Variants in KCNH7 observed in about 807,000 individuals in gnomAD.
KCNH7 encodes voltage-gated inwardly rectifying potassium channel KCNH7.
KCNH7 carries 49 observed loss-of-function variants against 120.8 expected under a neutral mutation model. The ratio of observed to expected loss-of-function variants is 0.41; its 90% CI spans 0.32 to 0.51. The LOEUF is 0.51. Among genes scored for constraint, KCNH7 ranks in the 20% least tolerant of loss-of-function variants. The pLI is 0.38. For missense variants in KCNH7, 1,097 were observed against 1,446.6 expected, an observed-to-expected ratio of 0.76 and a Z score of 3.92; for synonymous variants, 547 against 516.1, an observed-to-expected ratio of 1.06 and a Z score of -0.81.
chr2:162,796,378 A>G (rs557806248), intron 2 of KCNH7: 18 of 152,192 alleles, frequency 1.2e-4, no homozygotes, highest in Admixed American at 1.0e-3. Flanking sequence ...ACCGTTTCCA[A>G]GTAAAAAAAA....
intron 12 of KCNH7, among the ~76,000 whole-genome samples, chr2:162,394,040 C>G (rs1301275762): frequency 6.6e-6 from 1 of 151,946 alleles, no homozygotes; most frequent in African/African-American, 2.4e-5. Flanking sequence ...GTCATGCATG[C>G]TTGTGGGGCA....
chr2:162,650,635 C>T (rs1329662329), intron 2 of KCNH7, among the ~76,000 whole-genome samples: 3 of 152,142 alleles, frequency 2.0e-5, no homozygotes, highest in Non-Finnish European at 4.4e-5. Flanking sequence ...ATTCTCCTGT[C>T]AGGTACTCTC....
chr2:162,696,926 G>A (rs949454520), intron 2 of KCNH7, among the ~76,000 whole-genome samples: 4 of 152,004 alleles, frequency 2.6e-5, no homozygotes, highest in African/African-American at 4.8e-5. Context: ...GATGATGACA[G>A]GAAATCATTT....
At chr2:162,694,927 G>T (rs886883532) in intron 2 of KCNH7, among the ~76,000 whole-genome samples, 2 of 151,882 alleles carry the variant, frequency 1.3e-5, no homozygotes, top group African/African-American at 4.8e-5. Context: ...ACTTTTAGTA[G>T]AGATGGGGTT....
At chr2:162,623,319 T>C (rs184200908) in intron 2 of KCNH7, among the ~76,000 whole-genome samples, 109 of 152,332 alleles carry the variant, frequency 7.2e-4, no homozygotes, top group African/African-American at 2.5e-3. Flanking sequence ...CTACATATTG[T>C]AACTTGCCTT....
intron 6 of KCNH7, among the ~76,000 whole-genome samples, chr2:162,497,254 T>C (rs558241253): frequency 7.9e-5 from 12 of 152,118 alleles, no homozygotes; most frequent in Middle Eastern, 3.2e-3. Context: ...TGAACAAAGT[T>C]CAATATAAGT....
At chr2:162,445,982 A>G (rs1009864168) in intron 7 of KCNH7, 36 bp downstream of exon 7, 7 of 1,495,034 alleles carry the variant, frequency 4.7e-6, no homozygotes, top group Admixed American at 2.1e-5. Flanking sequence ...TATAATTGCA[A>G]TCTTTCAGAA....
At chr2:162,427,545 G>A (rs979937875) in intron 8 of KCNH7, among the ~76,000 whole-genome samples, 3 of 151,702 alleles carry the variant, frequency 2.0e-5, no homozygotes, top group African/African-American at 7.3e-5. Flanking sequence ...TTTAAATTGA[G>A]TTGTCTTCTT....
intron 2 of KCNH7, among the ~76,000 whole-genome samples, chr2:162,829,951 T>A (rs956489869): frequency 3.3e-5 from 5 of 151,736 alleles, no homozygotes; most frequent in African/African-American, 1.2e-4. Flanking sequence ...TACCCTTCCA[T>A]ATATCCTGGA....
rs569747851 is a variant in KCNH7 at position 162,592,811 on chromosome 2, C to T, written c.308-55731G>A. On this transcript the variant is annotated intron_variant, in intron 2 of 15. Coordinates refer to ENST00000332142, the MANE Select transcript of KCNH7 (RefSeq NM_033272.4). Reference sequence around the variant, plus strand: ...AACTTAGTTTCTGTTGAGCTGGCCACGTTTACAAATAGAAATGTGTATTTG... The same window carrying T: ...AACTTAGTTTCTGTTGAGCTGGCCATGTTTACAAATAGAAATGTGTATTTG... 3.3e-5 allele frequency among the ~76,000 whole-genome samples: 5 copies of T among 152,142 alleles called. No homozygotes were observed. The South Asian group carries it at 6.2e-4, about 19-fold the overall frequency.
chr2:162,477,369 AAGCTGCCTGGCAGCTTCATC>A (rs67540666), intron 6 of KCNH7, among the ~76,000 whole-genome samples: 2,046 of 152,354 alleles, frequency 0.013, 50 homozygotes, highest in African/African-American at 0.047. Flanking sequence ...CTGGAGCACA[AAGCTGCCTGGCAGCTTCATC>A]AGCTGCCTTC....
intron 8 of KCNH7, 27 bp from the exon 9 acceptor site, chr2:162,423,562 C>A: frequency 6.3e-7 from 1 of 1,598,476 alleles, no homozygotes; most frequent in Non-Finnish European, 8.6e-7. Context: ...ACAAAGTTAT[C>A]GGGGAAACTG....
chr2:162,654,871 G>C (rs913887982), intron 2 of KCNH7, among the ~76,000 whole-genome samples: 1 of 152,148 alleles, frequency 6.6e-6, no homozygotes. Context: ...AATGAAATAA[G>C]TCAGGCACAG....
chr2:162,574,958 G>A (rs1693620733), intron 2 of KCNH7, among the ~76,000 whole-genome samples: 1 of 152,094 alleles, frequency 6.6e-6, no homozygotes, highest in Non-Finnish European at 1.5e-5. Flanking sequence ...ACTAAATATT[G>A]TATGAGCTAT....
At chr2:162,723,525 T>A (rs928041007) in intron 2 of KCNH7, among the ~76,000 whole-genome samples, 1 of 152,222 alleles carries the variant, frequency 6.6e-6, no homozygotes, top group African/African-American at 2.4e-5. Flanking sequence ...GGCAGGGGGC[T>A]ACCATATTAT....
intron 2 of KCNH7, among the ~76,000 whole-genome samples, chr2:162,800,997 A>G (rs1417196822): frequency 1.3e-5 from 2 of 151,898 alleles, no homozygotes; most frequent in African/African-American, 4.8e-5. Context: ...AATGCTACAT[A>G]CAAATATTGA....
At chr2:162,671,969 T>G (rs1159897639) in intron 2 of KCNH7, among the ~76,000 whole-genome samples, 1 of 151,960 alleles carries the variant, frequency 6.6e-6, no homozygotes, top group Non-Finnish European at 1.5e-5. Context: ...ACAATAAACA[T>G]AAAGCAGAAA....
intron 6 of KCNH7, among the ~76,000 whole-genome samples, chr2:162,494,954 G>T (rs1232948998): frequency 6.6e-6 from 1 of 152,138 alleles, no homozygotes; most frequent in Non-Finnish European, 1.5e-5. Context: ...TTGTTTTTCA[G>T]AGTCAAGGAA....
At chr2:162,834,865 A>T (rs972454443) in intron 2 of KCNH7, among the ~76,000 whole-genome samples, 1 of 152,144 alleles carries the variant, frequency 6.6e-6, no homozygotes, top group Non-Finnish European at 1.5e-5. Flanking sequence ...CTTAAATTCT[A>T]TGAGTTGGAA....
Sources: allele counts gnomAD v4.1 joint callset (sites outside exome capture counted in the v4.1 genomes callset), GRCh38; gene constraint gnomAD v4.1.1; transcripts MANE v1.5; gene names NCBI Gene and HGNC (gene_info 2026-07-23, HGNC 2026-07-21).